The following ATAD2B variants were observed in gnomAD, a reference collection of about 807,000 sequenced individuals.
ATAD2B encodes ATPase family AAA domain-containing protein 2B.
ATAD2B carries 40 observed loss-of-function variants against 167.6 expected under a neutral mutation model. The observed-to-expected ratio is 0.24, with a 90% confidence interval of 0.19 to 0.31. The LOEUF (loss-of-function observed/expected upper bound fraction) is 0.31, where lower values mean the gene tolerates loss of function less well. ATAD2B is among the 10% of genes least tolerant of loss of function. ATAD2B has a pLI of 1.00. For synonymous variants in ATAD2B, 579 were observed against 596.5 expected (o/e 0.97, Z 0.43); for missense variants, 1,242 against 1,757.2 (o/e 0.71, Z 5.24).
chr2:23,728,809 A>G, the ATAD2B span, among the ~76,000 whole-genome samples: 1 of 152,234 alleles, frequency 6.6e-6, no homozygotes, highest in Non-Finnish European at 1.5e-5. Context: ...ATAATAAGAG[A>G]CATAATTCTC....
chr2:23,885,338 G>C (rs1422207946), intron 5 of ATAD2B, among the ~76,000 whole-genome samples: 2 of 152,188 alleles, frequency 1.3e-5, no homozygotes. Context: ...AAGAGTAAAA[G>C]TTATAGGAAT....
chr2:23,683,601 C>T, the ATAD2B span, among the ~76,000 whole-genome samples: 31 of 152,328 alleles, frequency 2.0e-4, no homozygotes, highest in East Asian at 5.8e-3. Context: ...TGTGCCAGCC[C>T]CAGGTCCAAG....
At chr2:23,777,104 G>A (rs1253187965) in intron 22 of ATAD2B, among the ~76,000 whole-genome samples, 1 of 152,030 alleles carries the variant, frequency 6.6e-6, no homozygotes, top group Admixed American at 6.6e-5. Flanking sequence ...ACAAGCATAG[G>A]GAAAAGGCCA....
intron 2 of ATAD2B, among the ~76,000 whole-genome samples, chr2:23,889,448 G>A (rs1290926438): frequency 1.3e-5 from 2 of 151,870 alleles, no homozygotes; most frequent in Non-Finnish European, 2.9e-5. Flanking sequence ...GATTACAGGC[G>A]TAAGCCACCG....
At chr2:23,743,982 G>A (rs1157096755), downstream of ATAD2B, among the ~76,000 whole-genome samples, 1 of 152,054 alleles carries the variant, frequency 6.6e-6, no homozygotes, top group Non-Finnish European at 1.5e-5. Context: ...TAACAAAAAG[G>A]TGTACAAGAA....
At chr2:23,744,599 T>G (rs970784163), downstream of ATAD2B, among the ~76,000 whole-genome samples, 3 of 152,172 alleles carry the variant, frequency 2.0e-5, no homozygotes, top group Non-Finnish European at 4.4e-5. Context: ...GGGTTGGTGC[T>G]ATCACTGTGG....
chr2:23,691,774 A>C, the ATAD2B span: 1 of 1,551,580 alleles, frequency 6.4e-7, no homozygotes, highest in Non-Finnish European at 8.7e-7. Flanking sequence ...GTTTGTCTAC[A>C]CGGGCTCCCT....
intron 13 of ATAD2B, among the ~76,000 whole-genome samples, chr2:23,847,031 T>C (rs985112025): frequency 3.8e-5 from 2 of 53,250 alleles, no homozygotes; most frequent in African/African-American, 1.5e-4. Context: ...TTGTACCACT[T>C]TGTTGAGGTA....
the ATAD2B span, chr2:23,693,636 C>A: frequency 8.5e-7 from 1 of 1,177,720 alleles, no homozygotes. Flanking sequence ...GTCCTGCTCT[C>A]CCTAAGTGGC....
the ATAD2B span, among the ~76,000 whole-genome samples, chr2:23,706,311 G>C: frequency 1.3e-5 from 2 of 151,880 alleles, no homozygotes; most frequent in East Asian, 3.9e-4. Flanking sequence ...TGGAGGACAG[G>C]TGTTTTTCTT....
chr2:23,721,545 G>A, the ATAD2B span, among the ~76,000 whole-genome samples: 1 of 152,136 alleles, frequency 6.6e-6, no homozygotes, highest in African/African-American at 2.4e-5. Flanking sequence ...CTAAGAAACA[G>A]CCCCATGAGC....
chr2:23,921,102 A>C (rs1408760429), intron 1 of ATAD2B, among the ~76,000 whole-genome samples: 1 of 143,488 alleles, frequency 7.0e-6, no homozygotes, highest in Non-Finnish European at 1.5e-5. Flanking sequence ...GCTACTTGGG[A>C]GGCTGAGGCA....
At chr2:23,762,812 T>A (rs1676916965) in intron 23 of ATAD2B, among the ~76,000 whole-genome samples, 3 of 152,218 alleles carry the variant, frequency 2.0e-5, no homozygotes, top group African/African-American at 7.2e-5. Flanking sequence ...TTCCTAAGAC[T>A]AATCATTCTA....
At chr2:23,711,072 A>G in the ATAD2B span, among the ~76,000 whole-genome samples, 1 of 152,182 alleles carries the variant, frequency 6.6e-6, no homozygotes, top group African/African-American at 2.4e-5. Flanking sequence ...AAGGGAAAAC[A>G]ATGTATATTT....
chr2:23,723,483 G>A, the ATAD2B span, among the ~76,000 whole-genome samples: 1 of 122,474 alleles, frequency 8.2e-6, no homozygotes, highest in African/African-American at 3.1e-5. Context: ...AAGGAGGGAA[G>A]GAAGGGAGGA....
chr2:23,828,789 G>A, intron 15 of ATAD2B, 60 bp downstream of exon 15: 1 of 1,057,782 alleles, frequency 9.5e-7, no homozygotes, highest in Non-Finnish European at 1.5e-6. Flanking sequence ...CAAATAAGGG[G>A]AAAGGGAGGT....
chr2:23,690,675 G>T, the ATAD2B span: 3 of 152,248 alleles, frequency 2.0e-5, no homozygotes, highest in Non-Finnish European at 4.4e-5. Flanking sequence ...ACGGCCTGCG[G>T]GGCCGCCTCC....
At chr2:23,708,699 T>G in the ATAD2B span, 1 of 152,190 alleles carries the variant, frequency 6.6e-6, no homozygotes, top group African/African-American at 2.4e-5. Context: ...ATGGGTTCTC[T>G]TATAGACTTT....
chr2:23,876,092 C>T lies in ATAD2B; in HGVS notation c.902-188G>A, dbSNP rs529694192. Among the ~76,000 whole-genome samples the T allele has an allele frequency of 2.0e-4, 30 of 151,970 alleles. 1 individual carries two copies. In the South Asian group the frequency reaches 5.6e-3, roughly 28 times the overall value. ...CACTGCAACCTCTCCCTCCTAAGTT[C>T]GAGCGATTCTCCTACCTCAGCCTCC... On this transcript the variant is annotated intron_variant, in intron 7 of 27. Coordinates refer to ENST00000238789, the MANE Select transcript of ATAD2B (RefSeq NM_017552.4).
Sources: allele counts gnomAD v4.1 joint callset (sites outside exome capture counted in the v4.1 genomes callset), GRCh38; gene constraint gnomAD v4.1.1; transcripts MANE v1.5; gene names NCBI Gene and HGNC (gene_info 2026-07-23, HGNC 2026-07-21).